Variants in CDH12 observed in about 807,000 individuals in gnomAD.
CDH12 encodes cadherin-12.
In CDH12, 41 loss-of-function variants were observed where a neutral mutation model predicts 74.1. The ratio of observed to expected loss-of-function variants is 0.55; its 90% CI spans 0.43 to 0.72. The LOEUF is 0.72. Ranked by LOEUF, CDH12 falls within the 30% of genes least tolerant of loss-of-function variation. CDH12 has a pLI of 0.00. For synonymous variants in CDH12, 399 were observed against 355.0 expected (o/e 1.12, Z -1.39); for missense variants, 945 against 977.2 (o/e 0.97, Z 0.44).
At chr5:22,782,065 C>G (rs904295651) in intron 1 of CDH12, among the ~76,000 whole-genome samples, 1 of 152,114 alleles carries the variant, frequency 6.6e-6, no homozygotes, top group African/African-American at 2.4e-5. Context: ...GTTGAATTAA[C>G]TAACTTGTTT....
chr5:22,448,054 G>A lies in CDH12; in HGVS notation c.-427-42703C>T, dbSNP rs555866085. On this transcript the variant is annotated intron_variant, in intron 2 of 14. Coordinates refer to ENST00000382254, the MANE Select transcript of CDH12 (RefSeq NM_004061.5). Reference sequence around the variant, plus strand: ...GTAAACCCAGCTACTCAGGAGGCCAGAAGTGAGAGGATTGCTTGAGCCCAA... The same window carrying A: ...GTAAACCCAGCTACTCAGGAGGCCAAAAGTGAGAGGATTGCTTGAGCCCAA... Among the ~76,000 whole-genome samples, 45 of 147,314 alleles carry A rather than the reference G, an allele frequency of 3.1e-4. 1 individual carries two copies. The South Asian group carries it at 9.7e-3, about 32-fold the overall frequency.
chr5:22,618,416 G>A (rs527825285), intron 1 of CDH12, among the ~76,000 whole-genome samples: 1 of 152,162 alleles, frequency 6.6e-6, no homozygotes, highest in South Asian at 2.1e-4. Context: ...AGCAATTGCC[G>A]ATGTAGTCTT....
In CDH12 at chr5:22,265,527, T is replaced by C. The variant is rs190055483; in HGVS notation, c.-332-52884A>G. On this transcript the variant is annotated intron_variant, in intron 3 of 14. Transcript: ENST00000382254. Reference sequence around the variant, plus strand: ...TAGTTTTCTTACTTTGGAAGAGAATTGATATTAAAAATTGGCCTCATTTAT... The same window carrying C: ...TAGTTTTCTTACTTTGGAAGAGAATCGATATTAAAAATTGGCCTCATTTAT... Among the ~76,000 whole-genome samples, 47 of 152,288 alleles carry C rather than the reference T, an allele frequency of 3.1e-4. 1 individual carries two copies. Among genetic ancestry groups the C allele is most frequent in the Admixed American group, 3.0e-3 (46 of 15,282 alleles).
intron 6 of CDH12, chr5:21,889,789 T>C (rs1752814119): frequency 1.0e-6 from 1 of 985,076 alleles, no homozygotes; most frequent in Middle Eastern, 5.2e-4. Flanking sequence ...ATAAAAGCAA[T>C]ACTACTATTT....
intron 4 of CDH12, among the ~76,000 whole-genome samples, chr5:22,197,639 A>T (rs1750698898): frequency 6.6e-6 from 1 of 152,104 alleles, no homozygotes; most frequent in Admixed American, 6.5e-5. Context: ...AAGATCAGTT[A>T]TTGGTAAGGA....
chr5:22,407,632 T>C (rs1262265194), intron 2 of CDH12, among the ~76,000 whole-genome samples: 1 of 152,074 alleles, frequency 6.6e-6, no homozygotes, highest in Non-Finnish European at 1.5e-5. Flanking sequence ...CAAGCTTACC[T>C]GTCATCATCT....
At chr5:22,471,812 T>C (rs1745970752) in intron 2 of CDH12, among the ~76,000 whole-genome samples, 1 of 152,164 alleles carries the variant, frequency 6.6e-6, no homozygotes, top group Non-Finnish European at 1.5e-5. Context: ...TAATCTCTTA[T>C]TTTTCAACTT....
At chr5:22,751,457 A>G (rs2127035011) in intron 1 of CDH12, among the ~76,000 whole-genome samples, 1 of 151,692 alleles carries the variant, frequency 6.6e-6, no homozygotes, top group East Asian at 1.9e-4. Flanking sequence ...TTCTATTTCC[A>G]TGATAATTTT....
intron 5 of CDH12, among the ~76,000 whole-genome samples, chr5:21,995,650 G>A (rs1339674666): frequency 6.6e-6 from 1 of 151,574 alleles, no homozygotes. Context: ...GGCACATACA[G>A]GAAGTATCAC....
At chr5:22,663,141 G>T (rs1342490635) in intron 1 of CDH12, among the ~76,000 whole-genome samples, 1 of 151,806 alleles carries the variant, frequency 6.6e-6, no homozygotes, top group Non-Finnish European at 1.5e-5. Flanking sequence ...ATGAAAAGCT[G>T]AAGATAAAAC....
intron 2 of CDH12, among the ~76,000 whole-genome samples, chr5:22,444,995 T>C (rs1490518896): frequency 1.3e-5 from 2 of 152,120 alleles, no homozygotes; most frequent in African/African-American, 4.8e-5. Context: ...ATACCATTTT[T>C]AAGGCAGTTG....
chr5:22,592,575 T>G (rs974034148), intron 1 of CDH12, among the ~76,000 whole-genome samples: 5 of 152,210 alleles, frequency 3.3e-5, no homozygotes, highest in African/African-American at 1.2e-4. Context: ...GTGTTTTTAG[T>G]ATTTTTAAAC....
intron 5 of CDH12, among the ~76,000 whole-genome samples, chr5:22,008,374 C>T (rs1179073123): frequency 2.0e-5 from 3 of 151,916 alleles, no homozygotes; most frequent in Admixed American, 6.6e-5. Flanking sequence ...GGATTACAGG[C>T]GTCCACCACC....
intron 9 of CDH12, among the ~76,000 whole-genome samples, chr5:21,804,630 T>C (rs1747324402): frequency 7.4e-6 from 1 of 134,812 alleles, no homozygotes; most frequent in African/African-American, 2.8e-5. Context: ...AAAATCATTC[T>C]ATAGTGAATT....
intron 4 of CDH12, among the ~76,000 whole-genome samples, chr5:22,194,308 C>CTTTTT (rs59899245): frequency 2.9e-5 from 4 of 139,872 alleles, no homozygotes; most frequent in South Asian, 2.3e-4. Flanking sequence ...CTTTTTCTTT[C>CTTTTT]TTTTTTTTTT....
chr5:22,698,911 A>G (rs1284676474), intron 1 of CDH12, among the ~76,000 whole-genome samples: 1 of 151,586 alleles, frequency 6.6e-6, no homozygotes, highest in Non-Finnish European at 1.5e-5. Flanking sequence ...TAGTTTCTCT[A>G]TGTAGTTGTG....
At chr5:22,208,540 C>T (rs1187350941) in intron 4 of CDH12, among the ~76,000 whole-genome samples, 2 of 152,210 alleles carry the variant, frequency 1.3e-5, no homozygotes, top group Non-Finnish European at 2.9e-5. Flanking sequence ...TTCTCAACTT[C>T]TTTTCCTGGC....
At chr5:22,820,642 G>A (rs1418958156) in intron 1 of CDH12, among the ~76,000 whole-genome samples, 1 of 152,088 alleles carries the variant, frequency 6.6e-6, no homozygotes, top group Non-Finnish European at 1.5e-5. Flanking sequence ...AGAAGAAATG[G>A]ATAAATTCCT....
chr5:22,831,383 G>GTGTA (rs111503841), intron 1 of CDH12, among the ~76,000 whole-genome samples: 2 of 151,212 alleles, frequency 1.3e-5, no homozygotes, highest in African/African-American at 4.8e-5. Flanking sequence ...GTGTGTGTGT[G>GTGTA]TGTGTGTGTG....
Sources: gnomAD v4.1 joint callset for allele counts (sites outside exome capture counted in the v4.1 genomes callset) on GRCh38, gnomAD v4.1.1 for gene constraint, MANE v1.5 for transcripts, NCBI Gene and HGNC (gene_info 2026-07-23, HGNC 2026-07-21) for gene names.